CACNA2D3: variants seen among roughly 807,000 people sequenced by gnomAD.
CACNA2D3 encodes voltage-dependent calcium channel subunit alpha-2/delta-3.
In CACNA2D3, 60 loss-of-function variants were observed where a neutral mutation model predicts 160.6. The ratio of observed to expected loss-of-function variants is 0.37; its 90% CI spans 0.30 to 0.46. The LOEUF (loss-of-function observed/expected upper bound fraction) is 0.46. CACNA2D3 is among the 20% of genes least tolerant of loss of function. The pLI is 1.00. For synonymous variants in CACNA2D3, 558 were observed against 492.9 expected (o/e 1.13, Z -1.75); for missense variants, 1,205 against 1,365.0 (o/e 0.88, Z 1.85).
intron 11 of CACNA2D3, among the ~76,000 whole-genome samples, chr3:54,676,686 C>G (rs1700250618): frequency 6.6e-6 from 1 of 152,162 alleles, no homozygotes; most frequent in Admixed American, 6.5e-5. Context: ...CCCTAAGGAG[C>G]ACTCCTGAAG....
chr3:54,586,704 T>C (rs1305687574), intron 9 of CACNA2D3, among the ~76,000 whole-genome samples: 1 of 152,186 alleles, frequency 6.6e-6, no homozygotes, highest in Admixed American at 6.5e-5. Flanking sequence ...GCACTCTATC[T>C]AAATAACAGC....
At chr3:55,007,874 G>T in intron 33 of CACNA2D3, 32 bp downstream of exon 33, 1 of 1,444,650 alleles carries the variant, frequency 6.9e-7, no homozygotes, top group South Asian at 1.4e-5. Context: ...TTTTTGAAAA[G>T]TATTAATATT....
At chr3:54,697,413 A>C (rs1168109525) in intron 11 of CACNA2D3, among the ~76,000 whole-genome samples, 1 of 152,200 alleles carries the variant, frequency 6.6e-6, no homozygotes, top group African/African-American at 2.4e-5. Context: ...TTTGAGGACC[A>C]CTGTCTTAGG....
At chr3:55,009,497 A>G (rs1330549367) in intron 34 of CACNA2D3, 54 bp downstream of exon 34, 2 of 1,481,652 alleles carry the variant, frequency 1.3e-6, no homozygotes, top group Non-Finnish European at 1.9e-6. Flanking sequence ...CGCTGGGTTC[A>G]CTGGCTACTT....
chr3:54,506,252 GA>G (rs1701368273), intron 5 of CACNA2D3, among the ~76,000 whole-genome samples: 1 of 151,976 alleles, frequency 6.6e-6, no homozygotes, highest in African/African-American at 2.4e-5. Context: ...AGTTATTGAT[GA>G]CGTACTCAAA....
At chr3:54,717,006 T>C (rs1424650451) in intron 11 of CACNA2D3, among the ~76,000 whole-genome samples, 3 of 151,984 alleles carry the variant, frequency 2.0e-5, no homozygotes, top group Admixed American at 6.6e-5. Flanking sequence ...CATGCCTCCT[T>C]CTAGTCATTC....
intron 4 of CACNA2D3, among the ~76,000 whole-genome samples, chr3:54,462,275 T>C (rs1210722818): frequency 6.6e-6 from 1 of 152,350 alleles, no homozygotes; most frequent in African/African-American, 2.4e-5. Flanking sequence ...TGGAGTGTTC[T>C]GTAGATGTCT....
At chr3:54,617,741 G>A (rs962523038) in intron 9 of CACNA2D3, among the ~76,000 whole-genome samples, 2 of 152,188 alleles carry the variant, frequency 1.3e-5, no homozygotes, top group Non-Finnish European at 2.9e-5. Flanking sequence ...GAGCTAGGAG[G>A]ATGTGAGACC....
In CACNA2D3 at chr3:54,723,381, C is replaced by T. The variant is rs575018122; in HGVS notation, c.1168-29218C>T. The stretch of plus-strand genomic sequence containing the variant: ...ACCACTTGGCTCCCTGGCTTCAGCA[C>T]CCCTTTCCAGGGGAGTGAATGGTTC... On this transcript the variant is annotated intron_variant, in intron 11 of 37. Coordinates refer to ENST00000474759, the MANE Select transcript of CACNA2D3 (RefSeq NM_018398.3). 1.3e-3 allele frequency among the ~76,000 whole-genome samples: 191 copies of T among 152,260 alleles called. 1 individual carries two copies. The highest frequency in any genetic ancestry group is 4.3e-3 in the African/African-American group (180 of 41,548).
At chr3:54,269,395 T>C (rs1327681073) in intron 2 of CACNA2D3, among the ~76,000 whole-genome samples, 1 of 152,176 alleles carries the variant, frequency 6.6e-6, no homozygotes, top group East Asian at 1.9e-4. Flanking sequence ...CATCCCTTTG[T>C]TGCATTCCTG....
Position 54,281,004 on chromosome 3 carries a change from T to G in CACNA2D3, c.205-39438T>G, listed in dbSNP as rs79124673. On this transcript the variant is annotated intron_variant, in intron 2 of 37. Transcript: ENST00000474759. Reference sequence around the variant, plus strand: ...GAGAATGAGGACTGTGGCTATACTGTTTATTCCTCTGTCTTCAGCATCCAC... The same window carrying G: ...GAGAATGAGGACTGTGGCTATACTGGTTATTCCTCTGTCTTCAGCATCCAC... 7.2e-3 allele frequency among the ~76,000 whole-genome samples: 1,104 copies of G among 152,288 alleles called. 17 individuals are homozygous for G. Among genetic ancestry groups the G allele is most frequent in the African/African-American group, 0.025 (1,039 of 41,572 alleles).
intron 2 of CACNA2D3, among the ~76,000 whole-genome samples, chr3:54,222,140 A>G (rs1043946537): frequency 6.6e-6 from 1 of 152,204 alleles, no homozygotes; most frequent in Non-Finnish European, 1.5e-5. Flanking sequence ...TTTTTCAGAG[A>G]AGCAGAATCA....
At chr3:54,650,897 C>A (rs1699751475) in intron 11 of CACNA2D3, among the ~76,000 whole-genome samples, 1 of 152,214 alleles carries the variant, frequency 6.6e-6, no homozygotes, top group Non-Finnish European at 1.5e-5. Flanking sequence ...GTGTCAGAGA[C>A]TGTTCTAAAT....
At chr3:55,038,772 G>T (rs1447603258) in intron 35 of CACNA2D3, among the ~76,000 whole-genome samples, 1 of 150,568 alleles carries the variant, frequency 6.6e-6, no homozygotes, top group Non-Finnish European at 1.5e-5. Flanking sequence ...ATATAGAATG[G>T]ATGGGATAAA....
chr3:54,332,664 G>T (rs1235131170), intron 3 of CACNA2D3, among the ~76,000 whole-genome samples: 1 of 152,172 alleles, frequency 6.6e-6, no homozygotes, highest in East Asian at 1.9e-4. Context: ...TCATTTCAAA[G>T]AGGAGAAAAT....
intron 11 of CACNA2D3, among the ~76,000 whole-genome samples, chr3:54,650,699 C>A (rs1445635055): frequency 6.6e-6 from 1 of 152,126 alleles, no homozygotes; most frequent in Admixed American, 6.6e-5. Flanking sequence ...TGGGGTTTCA[C>A]CTTGTTGGCC....
chr3:54,219,338 C>T (rs1701523292), intron 2 of CACNA2D3, among the ~76,000 whole-genome samples: 1 of 152,194 alleles, frequency 6.6e-6, no homozygotes, highest in Non-Finnish European at 1.5e-5. Flanking sequence ...ACTCTTTAAC[C>T]TGGAGAGCTG....
intron 2 of CACNA2D3, among the ~76,000 whole-genome samples, chr3:54,307,278 TG>T (rs1355609970): frequency 6.6e-6 from 1 of 152,196 alleles, no homozygotes; most frequent in Non-Finnish European, 1.5e-5. Flanking sequence ...AGGGTAAAGA[TG>T]ATGTCTTCGC....
intron 11 of CACNA2D3, among the ~76,000 whole-genome samples, chr3:54,644,037 A>G (rs1699583976): frequency 6.6e-6 from 1 of 152,174 alleles, no homozygotes; most frequent in African/African-American, 2.4e-5. Flanking sequence ...ATGTTGTATC[A>G]CATGAATCTT....
Sources: gnomAD v4.1 joint callset for allele counts (sites outside exome capture counted in the v4.1 genomes callset) on GRCh38, gnomAD v4.1.1 for gene constraint, MANE v1.5 for transcripts, NCBI Gene and HGNC (gene_info 2026-07-23, HGNC 2026-07-21) for gene names.